The following TACR3 variants were observed in gnomAD, a reference collection of about 807,000 sequenced individuals.
TACR3 encodes the protein tachykinin receptor 3.
In TACR3, 34 loss-of-function variants were observed where a neutral mutation model predicts 35.0. The ratio of observed to expected loss-of-function variants is 0.97; its 90% CI spans 0.74 to 1.30. The LOEUF (loss-of-function observed/expected upper bound fraction) is 1.30, where lower values mean the gene tolerates loss of function less well. Ranked by LOEUF, TACR3 falls within the 50% of genes most tolerant of loss-of-function variation. TACR3 has a pLI of 0.00. For synonymous variants in TACR3, 233 were observed against 221.1 expected, an observed-to-expected ratio of 1.05 and a Z score of -0.48; for missense variants, 558 against 591.7, an observed-to-expected ratio of 0.94 and a Z score of 0.59.
chr4:103,692,121 G>A (rs1353708881), intron 1 of TACR3, among the ~76,000 whole-genome samples: 1 of 152,050 alleles, frequency 6.6e-6, no homozygotes, highest in Non-Finnish European at 1.5e-5. Flanking sequence ...TACTGTGTGT[G>A]AATGTAAAAA....
At chr4:103,627,421 G>A (rs969193923) in intron 3 of TACR3, among the ~76,000 whole-genome samples, 20 of 150,138 alleles carry the variant, frequency 1.3e-4, no homozygotes, top group Admixed American at 6.7e-4. Flanking sequence ...CTACTCAGAA[G>A]GCTGAGGCAT....
At chr4:103,612,514 T>C (rs1010916712) in intron 3 of TACR3, among the ~76,000 whole-genome samples, 2 of 152,146 alleles carry the variant, frequency 1.3e-5, no homozygotes, top group Admixed American at 6.6e-5. Context: ...CTTTTTTTTT[T>C]TTCTTGTGGT....
At chr4:103,594,828 A>C (rs1723972057) in intron 3 of TACR3, among the ~76,000 whole-genome samples, 1 of 152,190 alleles carries the variant, frequency 6.6e-6, no homozygotes, top group African/African-American at 2.4e-5. Flanking sequence ...ATATTTTAAA[A>C]ATTTTAAGAA....
intron 1 of TACR3, among the ~76,000 whole-genome samples, chr4:103,692,251 T>A (rs1460280905): frequency 6.6e-6 from 1 of 152,062 alleles, no homozygotes; most frequent in Non-Finnish European, 1.5e-5. Flanking sequence ...TAAACACTAA[T>A]CAGAAGAAAA....
At chr4:103,612,151 C>T (rs1724526853) in intron 3 of TACR3, among the ~76,000 whole-genome samples, 1 of 152,180 alleles carries the variant, frequency 6.6e-6, no homozygotes, top group Admixed American at 6.5e-5. Context: ...GCCGTGTTCT[C>T]CAGTCTCACC....
chr4:103,613,001 A>G (rs962503546), intron 3 of TACR3, among the ~76,000 whole-genome samples: 4 of 152,188 alleles, frequency 2.6e-5, no homozygotes, highest in Non-Finnish European at 4.4e-5. Flanking sequence ...TAAACATCAT[A>G]TGGGCTTCTG....
intron 3 of TACR3, among the ~76,000 whole-genome samples, chr4:103,599,745 G>A (rs1030430840): frequency 2.6e-5 from 4 of 152,130 alleles, no homozygotes; most frequent in Non-Finnish European, 4.4e-5. Context: ...CTGTTTATAT[G>A]CTGGATTAGA....
chr4:103,694,583 CTAGAT>C (rs1045209776), intron 1 of TACR3, among the ~76,000 whole-genome samples: 2 of 152,124 alleles, frequency 1.3e-5, no homozygotes, highest in African/African-American at 4.8e-5. Context: ...ATGGCTGACT[CTAGAT>C]TAAAGTCACT....
intron 3 of TACR3, among the ~76,000 whole-genome samples, chr4:103,637,467 C>T (rs560039179): frequency 6.6e-6 from 1 of 152,178 alleles, no homozygotes; most frequent in Admixed American, 6.5e-5. Flanking sequence ...CTATGACAAA[C>T]CCACAGCCAA....
chr4:103,670,112 T>A (rs1357822604), intron 1 of TACR3, among the ~76,000 whole-genome samples: 2 of 152,078 alleles, frequency 1.3e-5, no homozygotes, highest in African/African-American at 4.8e-5. Flanking sequence ...TGTATGTTCC[T>A]GGCACCTTTG....
chr4:103,662,902 T>A (rs1307816533), intron 1 of TACR3, among the ~76,000 whole-genome samples: 1 of 152,094 alleles, frequency 6.6e-6, no homozygotes, highest in African/African-American at 2.4e-5. Context: ...AATAAGACTA[T>A]AAATTACTGT....
chr4:103,698,699 G>A (rs1329393306), intron 1 of TACR3, among the ~76,000 whole-genome samples: 1 of 151,920 alleles, frequency 6.6e-6, no homozygotes, highest in African/African-American at 2.4e-5. Flanking sequence ...AACTCATACA[G>A]TCAAATGATA....
At chr4:103,702,613 G>T (rs1384994314) in intron 1 of TACR3, among the ~76,000 whole-genome samples, 3 of 152,018 alleles carry the variant, frequency 2.0e-5, no homozygotes, top group African/African-American at 4.8e-5. Context: ...TATGTTTATT[G>T]CGGCACTATT....
At position 103,658,290 on chromosome 4, in the gene TACR3, T is replaced by C; in HGVS notation, c.662A>G (p.Tyr221Cys). ...AFLLAFPQCL[Y>C]SKTKVMPGRT... ...GCCTGGCATGACTTTGGTTTTGGAA[T>C]AAAGACACTGAGGGAAGGCAAGTAG... is the stretch of plus-strand genomic sequence containing the variant. The change falls in exon 2 of 5, where the codon TAT (tyrosine) becomes TGT (cysteine). Residue 221 changes from tyrosine (Y) to cysteine (C), a missense_variant. Physicochemically the swap from Tyr to Cys is radical, Grantham distance 194 (BLOSUM62 -2). Coordinates refer to ENST00000304883, the MANE Select transcript of TACR3 (RefSeq NM_001059.3). 1.2e-6 allele frequency: 2 copies of C among 1,613,962 alleles called. No homozygotes were observed. Among genetic ancestry groups the C allele is most frequent in the Non-Finnish European group, 1.7e-6 (2 of 1,179,944 alleles).
chr4:103,628,782 TC>T (rs1275512161), intron 3 of TACR3, among the ~76,000 whole-genome samples: 1 of 152,126 alleles, frequency 6.6e-6, no homozygotes, highest in East Asian at 1.9e-4. Flanking sequence ...GAGGGAATCC[TC>T]CCTAACTCAT....
chr4:103,700,266 T>C (rs1426295992), intron 1 of TACR3, among the ~76,000 whole-genome samples: 1 of 152,162 alleles, frequency 6.6e-6, no homozygotes, highest in Non-Finnish European at 1.5e-5. Context: ...TGTGCACAAC[T>C]GTTTCCTTCT....
At chr4:103,653,962 G>C (rs992431133) in intron 3 of TACR3, among the ~76,000 whole-genome samples, 1 of 151,056 alleles carries the variant, frequency 6.6e-6, no homozygotes, top group African/African-American at 2.5e-5. Context: ...ATCATCACTG[G>C]CCATCAGAGA....
At chr4:103,716,216 TGTGTG>T (rs1723087820) in intron 1 of TACR3, among the ~76,000 whole-genome samples, 1 of 35,268 alleles carries the variant, frequency 2.8e-5, no homozygotes, top group Non-Finnish European at 4.9e-5. Flanking sequence ...AATTTTATCT[TGTGTG>T]TGTGTGTGTG....
At chr4:103,628,175 T>C (rs1299908608) in intron 3 of TACR3, among the ~76,000 whole-genome samples, 1 of 152,132 alleles carries the variant, frequency 6.6e-6, no homozygotes, top group African/African-American at 2.4e-5. Flanking sequence ...CAGCACTAAA[T>C]GCCCACAAGA....
Sources: allele counts gnomAD v4.1 joint callset (sites outside exome capture counted in the v4.1 genomes callset), GRCh38; gene constraint gnomAD v4.1.1; transcripts MANE v1.5; gene names NCBI Gene and HGNC (gene_info 2026-07-23, HGNC 2026-07-21).